The following SP4 variants were observed in gnomAD, a reference collection of about 807,000 sequenced individuals.
SP4 encodes Sp4 transcription factor.
SP4 carries 19 observed loss-of-function variants against 72.8 expected under a neutral mutation model. The ratio of observed to expected loss-of-function variants is 0.26; its 90% CI spans 0.18 to 0.38. The LOEUF (loss-of-function observed/expected upper bound fraction) is 0.38. Among genes scored for constraint, SP4 ranks in the 10% least tolerant of loss-of-function variants. The pLI is 1.00. For synonymous variants in SP4, 395 were observed against 333.1 expected (o/e 1.19, Z -2.02); for missense variants, 1,008 against 926.3 (o/e 1.09, Z -1.14).
At chr7:21,499,778 C>G (rs1781818713) in intron 5 of SP4, among the ~76,000 whole-genome samples, 1 of 152,108 alleles carries the variant, frequency 6.6e-6, no homozygotes, top group African/African-American at 2.4e-5. Context: ...AAATGACAAA[C>G]TTAGAAATAG....
intron 3 of SP4, among the ~76,000 whole-genome samples, chr7:21,471,794 G>T (rs75235199): frequency 2.0e-5 from 3 of 152,112 alleles, no homozygotes; most frequent in South Asian, 2.1e-4. Flanking sequence ...TGATTGTGCC[G>T]CTGTACTCTA....
intron 5 of SP4, among the ~76,000 whole-genome samples, chr7:21,499,607 A>G (rs1041593696): frequency 1.3e-5 from 2 of 152,144 alleles, no homozygotes; most frequent in Non-Finnish European, 2.9e-5. Context: ...TGAGATCTTA[A>G]TTTTGGACTT....
intron 5 of SP4, among the ~76,000 whole-genome samples, chr7:21,491,505 G>T (rs369423977): frequency 3.3e-5 from 5 of 152,246 alleles, no homozygotes; most frequent in African/African-American, 1.2e-4. Context: ...AAAATTTGAA[G>T]AAATAATGGC....
intron 3 of SP4, among the ~76,000 whole-genome samples, chr7:21,443,702 C>G (rs1242812742): frequency 6.6e-6 from 1 of 152,140 alleles, no homozygotes; most frequent in African/African-American, 2.4e-5. Context: ...AATCCTTGCT[C>G]TGGTCTAGTT....
At chr7:21,447,127 A>G (rs943400604) in intron 3 of SP4, among the ~76,000 whole-genome samples, 27 of 152,212 alleles carry the variant, frequency 1.8e-4, no homozygotes, top group African/African-American at 6.5e-4. Flanking sequence ...CAGCGGATAC[A>G]GACCTTGAAG....
At chr7:21,462,919 G>A (rs925498050) in intron 3 of SP4, among the ~76,000 whole-genome samples, 1 of 152,144 alleles carries the variant, frequency 6.6e-6, no homozygotes, top group African/African-American at 2.4e-5. Context: ...GAACTGTGCT[G>A]TTCAATATGA....
chr7:21,504,397 A>T (rs1781943090), intron 5 of SP4, among the ~76,000 whole-genome samples: 1 of 152,222 alleles, frequency 6.6e-6, no homozygotes, highest in Non-Finnish European at 1.5e-5. Context: ...TGGCCGGGTT[A>T]AGACCATATA....
intron 5 of SP4, among the ~76,000 whole-genome samples, chr7:21,483,900 T>C (rs1460808170): frequency 6.6e-6 from 1 of 151,872 alleles, no homozygotes; most frequent in Non-Finnish European, 1.5e-5. Flanking sequence ...TATTGAATTA[T>C]ACTTTATACT....
chr7:21,430,622 A>G lies in SP4; in HGVS notation c.1457A>G (p.Gln486Arg). The G allele has an allele frequency of 6.2e-7, 1 of 1,614,244 alleles. No individual in the cohort carries two copies. The highest frequency in any genetic ancestry group is 8.5e-7 in the Non-Finnish European group (1 of 1,180,042). The change falls in exon 3 of 6, where the codon CAG becomes CGG. Residue 486 changes from glutamine (Q) to arginine (R), a missense_variant. Transcript: ENST00000222584. ...CAGAGTCTTTCAAATTTGCAAGTTCAGAATGCTGGGTTATCCCAACAATTA... is the reference window on the plus strand; with the variant it reads ...CAGAGTCTTTCAAATTTGCAAGTTCGGAATGCTGGGTTATCCCAACAATTA... ...NIQSLSNLQV[Q>R]NAGLSQQLTI...
intron 5 of SP4, among the ~76,000 whole-genome samples, chr7:21,496,754 A>C (rs1001242201): frequency 2.6e-5 from 4 of 152,062 alleles, no homozygotes; most frequent in Non-Finnish European, 4.4e-5. Context: ...GGAACTAATG[A>C]GTCTCTCAGC....
At chr7:21,445,490 A>G (rs961831545) in intron 3 of SP4, among the ~76,000 whole-genome samples, 9 of 152,150 alleles carry the variant, frequency 5.9e-5, no homozygotes, top group Admixed American at 4.6e-4. Context: ...TCTGCTGGAT[A>G]AATAATATTT....
chr7:21,428,854 C>T (rs201480283), intron 2 of SP4, 62 bp downstream of exon 2: 77 of 1,230,364 alleles, frequency 6.3e-5, no homozygotes, highest in Non-Finnish European at 7.8e-5. Context: ...GGAGTTATGC[C>T]CTTTGAATGT....
At chr7:21,484,074 A>G (rs1188241894) in intron 5 of SP4, among the ~76,000 whole-genome samples, 2 of 151,896 alleles carry the variant, frequency 1.3e-5, no homozygotes, top group Non-Finnish European at 3.0e-5. Flanking sequence ...ATTAGAAAGT[A>G]GTATCAGAAA....
intron 5 of SP4, among the ~76,000 whole-genome samples, chr7:21,500,932 CAAAG>C (rs1781848269): frequency 1.3e-5 from 2 of 152,126 alleles, no homozygotes. Context: ...CTTGGAGACA[CAAAG>C]AACAGCAAAA....
intron 4 of SP4, among the ~76,000 whole-genome samples, chr7:21,479,460 T>C (rs1490915727): frequency 2.0e-5 from 3 of 152,224 alleles, no homozygotes; most frequent in Admixed American, 6.5e-5. Flanking sequence ...GATTTATTTC[T>C]GGACTTTCAG....
Position 21,477,315 on chromosome 7 carries a change from C to T in SP4, c.1907+8C>T. On this transcript the variant is annotated splice_region_variant and intron_variant, in intron 4 of 5. Coordinates refer to ENST00000222584, the MANE Select transcript of SP4 (RefSeq NM_003112.5). ...TAGGGAAGGAGAAGGAAGGTAAATG[C>T]TGTATTTTTCAACTGTGTCTATTTG... The T allele has an allele frequency of 1.9e-6, 3 of 1,579,362 alleles. No homozygotes were observed. Among genetic ancestry groups the T allele is most frequent in the Non-Finnish European group, 2.6e-6 (3 of 1,150,382 alleles).
At chr7:21,503,593 C>A (rs868470651) in intron 5 of SP4, among the ~76,000 whole-genome samples, 8 of 152,206 alleles carry the variant, frequency 5.3e-5, no homozygotes, top group Admixed American at 1.3e-4. Flanking sequence ...TCCATCAGTC[C>A]AAAGCTAGGT....
chr7:21,491,932 A>G (rs907854252), intron 5 of SP4, among the ~76,000 whole-genome samples: 4 of 152,234 alleles, frequency 2.6e-5, no homozygotes, highest in Non-Finnish European at 4.4e-5. Context: ...AAATTGAATA[A>G]TGAAGGAAGG....
intron 3 of SP4, among the ~76,000 whole-genome samples, chr7:21,464,856 C>A (rs1050326034): frequency 1.3e-5 from 2 of 152,224 alleles, no homozygotes; most frequent in African/African-American, 4.8e-5. Context: ...CATTGTACAT[C>A]TAAAGGACCG....
Sources: allele counts gnomAD v4.1 joint callset (sites outside exome capture counted in the v4.1 genomes callset), GRCh38; gene constraint gnomAD v4.1.1; transcripts MANE v1.5; gene names NCBI Gene and HGNC (gene_info 2026-07-23, HGNC 2026-07-21).